Variants in TNS3 observed in about 807,000 individuals in gnomAD.
TNS3 encodes tensin-3.
A neutral mutation model predicts 140.9 loss-of-function variants in TNS3; 45 were observed. The observed-to-expected ratio is 0.32, with a 90% CI of 0.25 to 0.41. TNS3 has a LOEUF of 0.41. TNS3 is among the 10% of genes least tolerant of loss of function. The probability of loss-of-function intolerance (pLI) is 1.00; values close to 1 mark genes in which losing one functional copy is unlikely to be tolerated. For synonymous variants in TNS3, 815 were observed against 788.4 expected, an observed-to-expected ratio of 1.03 and a Z score of -0.56; for missense variants, 1,716 against 1,906.7, an observed-to-expected ratio of 0.90 and a Z score of 1.86.
chr7:47,537,021 C>T (rs1799623380), intron 1 of TNS3, among the ~76,000 whole-genome samples: 1 of 151,894 alleles, frequency 6.6e-6, no homozygotes. Context: ...AGCTCCGGGC[C>T]GCACTCACCT....
At chr7:47,394,100 G>A (rs1464130850) in intron 16 of TNS3, among the ~76,000 whole-genome samples, 2 of 152,194 alleles carry the variant, frequency 1.3e-5, no homozygotes, top group African/African-American at 4.8e-5. Flanking sequence ...AATGGGAATT[G>A]TGATTTGTAA....
rs906438949 is a variant in TNS3, at chr7:47,277,812, G to A, written c.*264C>T. On this transcript the variant is annotated 3_prime_UTR_variant, in exon 31 of 31. Coordinates refer to ENST00000311160, the MANE Select transcript of TNS3 (RefSeq NM_022748.12). ...TCCCTTTCCCATGGGGACCCTAGGG[G>A]GTGGGGTGCACCCATGCCCAGCTTC... The A allele has an allele frequency of 5.6e-6, 3 of 532,488 alleles. No individual in the cohort carries two copies. The highest frequency in any genetic ancestry group is 1.9e-5 in the South Asian group (1 of 52,184). 33.0% of individuals were successfully genotyped at this position (532,488 alleles called of 1,614,324 possible).
At chr7:47,427,631 TCCTTGTGG>T (rs969858658) in intron 9 of TNS3, among the ~76,000 whole-genome samples, 5 of 152,096 alleles carry the variant, frequency 3.3e-5, no homozygotes, top group African/African-American at 1.2e-4. Context: ...AGGGCTGAGG[TCCTTGTGG>T]CCCTGCTGTG....
intron 1 of TNS3, among the ~76,000 whole-genome samples, chr7:47,566,877 T>C (rs1301988760): frequency 6.6e-6 from 1 of 151,880 alleles, no homozygotes; most frequent in Non-Finnish European, 1.5e-5. Flanking sequence ...CCGTCTCTAC[T>C]AACAATACAG....
chr7:47,582,094 C>A lies in TNS3; in HGVS notation c.-308G>T, dbSNP rs1383454768. 1 of 151,890 alleles carries A rather than the reference C, an allele frequency of 6.6e-6. No individual in the cohort carries two copies. The highest frequency in any genetic ancestry group is 1.5e-5 in the Non-Finnish European group (1 of 68,010). The allele number at this position is 151,890 out of a possible 1,614,324, so 9.4% of individuals were successfully genotyped here. A position where few individuals can be genotyped will look rare whatever the true frequency, so the allele number is the denominator to read the frequency against. ...CGGTCCGGCAGGGCGATGGCCGCAA[C>A]GAGGCTGGGCTCCGAGTAGCGCGCG... On this transcript the variant is annotated 5_prime_UTR_variant, in exon 1 of 31. Coordinates refer to ENST00000311160, the MANE Select transcript of TNS3 (RefSeq NM_022748.12).
intron 16 of TNS3, among the ~76,000 whole-genome samples, chr7:47,391,620 G>T (rs1792522899): frequency 6.6e-6 from 1 of 152,182 alleles, no homozygotes; most frequent in Admixed American, 6.5e-5. Flanking sequence ...GTTCTCCATA[G>T]GGCTCAGCAA....
intron 20 of TNS3, among the ~76,000 whole-genome samples, chr7:47,326,825 C>T (rs1301866038): frequency 6.6e-6 from 1 of 152,138 alleles, no homozygotes; most frequent in Non-Finnish European, 1.5e-5. Context: ...GAGAGCAATC[C>T]ATCAATCCTG....
intron 3 of TNS3, among the ~76,000 whole-genome samples, chr7:47,501,838 G>A (rs11505554): frequency 0.011 from 1,599 of 152,274 alleles, 18 homozygotes; most frequent in African/African-American, 0.036. Flanking sequence ...GAAGAGGCCT[G>A]AGCCATGCGG....
intron 16 of TNS3, among the ~76,000 whole-genome samples, chr7:47,395,673 C>T (rs1479865571): frequency 6.6e-6 from 1 of 152,236 alleles, no homozygotes; most frequent in African/African-American, 2.4e-5. Context: ...TTCACACCAG[C>T]AAAGAACACT....
Position 47,291,996 on chromosome 7 carries a change from G to T in TNS3, c.3887C>A (p.Thr1296Lys), listed in dbSNP as rs41280696. The change falls in exon 27 of 31, where the codon ACG (threonine) becomes AAG (lysine). Residue 1296 changes from threonine to lysine, a missense_variant. Thr to Lys is a moderately conservative substitution (Grantham distance 78, BLOSUM62 -1). This residue lies in a region of TNS3 where 216 missense variants were observed against 295.7 expected (regional missense o/e 0.73). Coordinates refer to ENST00000311160, the MANE Select transcript of TNS3 (RefSeq NM_022748.12). The stretch of plus-strand genomic sequence containing the variant: ...CAGCTCAGCTGCTGAATTGGCTGCC[G>T]TCTGGGGAGAACTTTCTGCTATTTC... ...LEEIAESSPQ[T>K]AANSAAELLK... The T allele has an allele frequency of 6.2e-7, 1 of 1,614,162 alleles. No individual in the cohort carries two copies. Among genetic ancestry groups the T allele is most frequent in the South Asian group, 1.1e-5 (1 of 91,064 alleles).
intron 1 of TNS3, among the ~76,000 whole-genome samples, chr7:47,565,586 C>T (rs1009673149): frequency 2.6e-5 from 4 of 152,092 alleles, no homozygotes; most frequent in South Asian, 4.1e-4. Flanking sequence ...AGGCTTGTCT[C>T]GAACTCCTGA....
chr7:47,512,866 C>A (rs971185199), intron 2 of TNS3, among the ~76,000 whole-genome samples: 4 of 152,190 alleles, frequency 2.6e-5, no homozygotes, highest in Non-Finnish European at 4.4e-5. Context: ...TGGAAAAGGG[C>A]AGACATTCTA....
intron 9 of TNS3, among the ~76,000 whole-genome samples, chr7:47,427,997 C>T (rs1194529354): frequency 6.6e-6 from 1 of 152,124 alleles, no homozygotes; most frequent in Non-Finnish European, 1.5e-5. Context: ...TGACTTTTAT[C>T]TCTGTTATTT....
chr7:47,400,504 C>T lies in TNS3; in HGVS notation c.854-46G>A, dbSNP rs775631820. Reference sequence around the variant, plus strand: ...TAACACATTTGTGGAGACAATTAACCGGAAAAGTATGGACTGACTTTGTCC... The same window carrying T: ...TAACACATTTGTGGAGACAATTAACTGGAAAAGTATGGACTGACTTTGTCC... On this transcript the variant is annotated intron_variant, in intron 14 of 30. Coordinates refer to ENST00000311160, the MANE Select transcript of TNS3 (RefSeq NM_022748.12). The T allele has an allele frequency of 1.8e-5, 29 of 1,591,062 alleles. 1 individual carries two copies. Among genetic ancestry groups the T allele is most frequent in the South Asian group, 3.3e-5 (3 of 90,236 alleles).
chr7:47,316,598 G>A (rs528609457), intron 20 of TNS3, among the ~76,000 whole-genome samples: 12 of 150,184 alleles, frequency 8.0e-5, no homozygotes, highest in Admixed American at 3.3e-4. Flanking sequence ...GGAGGCCAAG[G>A]CAGGCAGATC....
chr7:47,314,769 C>T (rs759279854), intron 20 of TNS3, among the ~76,000 whole-genome samples: 7 of 152,104 alleles, frequency 4.6e-5, no homozygotes, highest in Non-Finnish European at 8.8e-5. Flanking sequence ...TGGGGATGAC[C>T]GGGGTGAGGA....
chr7:47,299,389 C>T (rs1206258336), intron 23 of TNS3, among the ~76,000 whole-genome samples: 1 of 149,610 alleles, frequency 6.7e-6, no homozygotes, highest in Admixed American at 6.6e-5. Context: ...ATCCTCCCAC[C>T]TCAGCTTCCC....
At chr7:47,508,892 C>G (rs932316002) in intron 2 of TNS3, among the ~76,000 whole-genome samples, 1 of 152,162 alleles carries the variant, frequency 6.6e-6, no homozygotes, top group Non-Finnish European at 1.5e-5. Context: ...ACAGCTGGCC[C>G]CAGCTTCCCA....
At chr7:47,347,781 G>T (rs530893760) in intron 17 of TNS3, among the ~76,000 whole-genome samples, 1 of 152,194 alleles carries the variant, frequency 6.6e-6, no homozygotes, top group African/African-American at 2.4e-5. Context: ...AGAAGTGTGC[G>T]TTAGGACCTG....
Sources: gnomAD v4.1 joint callset for allele counts (sites outside exome capture counted in the v4.1 genomes callset) on GRCh38, gnomAD v4.1.1 for gene constraint, gnomAD v4.1.1 regional missense constraint, MANE v1.5 for transcripts, NCBI Gene and HGNC (gene_info 2026-07-23, HGNC 2026-07-21) for gene names.